PCDHGB4: variants seen among roughly 807,000 people sequenced by gnomAD.
PCDHGB4 encodes protocadherin gamma subfamily B, 4.
A neutral mutation model predicts 60.5 loss-of-function variants in PCDHGB4; 38 were observed. That is an observed-to-expected ratio of 0.63 (90% CI 0.48 to 0.82). PCDHGB4 has a LOEUF of 0.82. Ranked by LOEUF, PCDHGB4 falls within the 40% of genes least tolerant of loss-of-function variation. The pLI, the probability that PCDHGB4 is intolerant of heterozygous loss-of-function variation, is 0.00. For synonymous variants in PCDHGB4, 456 were observed against 509.7 expected (o/e 0.89, Z 1.42); for missense variants, 1,109 against 1,209.6 (o/e 0.92, Z 1.23).
chr5:141,403,343 C>T (rs774711306), intron 1 of PCDHGB4: 10 of 1,614,000 alleles, frequency 6.2e-6, no homozygotes, highest in Admixed American at 1.7e-5. Context: ...CGACAGCGCC[C>T]CAAAGTTCCA....
intron 1 of PCDHGB4, chr5:141,399,347 A>G: frequency 6.2e-7 from 1 of 1,613,926 alleles, no homozygotes. Flanking sequence ...GGAACCCTAG[A>G]CCGAGAGCAA....
At chr5:141,399,627 C>A (rs751717107) in intron 1 of PCDHGB4, 19 of 1,613,788 alleles carry the variant, frequency 1.2e-5, no homozygotes, top group Non-Finnish European at 1.6e-5. Flanking sequence ...TGGCCTCTTA[C>A]GTGTCCATGA....
At chr5:141,393,534 G>GA in intron 1 of PCDHGB4, 1 of 1,613,928 alleles carries the variant, frequency 6.2e-7, no homozygotes, top group Non-Finnish European at 8.5e-7. Flanking sequence ...CAATGCCCCG[G>GA]TTTTTCCTCA....
chr5:141,491,500 G>A lies in PCDHGB4; in HGVS notation c.2398-3307G>A. ...CAGCCCCAACCTGCAGGTGAGCTCG[G>A]ACGGCACGCTCAAGTACATGGAGGT... On this transcript the variant is annotated intron_variant, in intron 1 of 3. Transcript: ENST00000519479. The surrounding 1 kb of genome is among the most constrained non-coding windows in gnomAD (Gnocchi z 6.9). 3 of 1,614,102 alleles carry A rather than the reference G, an allele frequency of 1.9e-6. No homozygotes were observed. The highest frequency in any genetic ancestry group is 2.7e-5 in the African/African-American group (2 of 75,066).
rs755254491 is a variant in PCDHGB4, at chr5:141,409,746, T to TCG, written c.2397+19469_2397+19470dup. On this transcript the variant is annotated intron_variant, in intron 1 of 3. Transcript: ENST00000519479. ...GTGAGCGCGCAGAGCGGGGTGGTGT[T>TCG]CGCGCAGCGCGCCTTTGATCACGAG... The TCG allele has an allele frequency of 3.1e-6, 5 of 1,613,024 alleles. No homozygotes were observed. The South Asian group carries it at 5.5e-5, about 18-fold the overall frequency.
At chr5:141,405,498 C>T in intron 1 of PCDHGB4, 2 of 784,948 alleles carry the variant, frequency 2.5e-6, no homozygotes, top group Admixed American at 2.7e-5. Flanking sequence ...CGGCTCATTG[C>T]AACCTCCGCC....
chr5:141,440,527 T>G (rs1282939317), intron 1 of PCDHGB4: 3 of 152,222 alleles, frequency 2.0e-5, no homozygotes, highest in African/African-American at 7.2e-5. Context: ...TGAAGAATCA[T>G]GCACCACGGT....
Position 141,415,114 on chromosome 5 carries a change from G to A in PCDHGB4, c.2397+24833G>A, listed in dbSNP as rs186848544. On this transcript the variant is annotated intron_variant, in intron 1 of 3. Transcript: ENST00000519479. Reference sequence around the variant, plus strand: ...CAGAGACGCGCTCAAGCAAAGCCTCGTAGTGGCCGTCCAGGACCACGGCCA... The same window carrying A: ...CAGAGACGCGCTCAAGCAAAGCCTCATAGTGGCCGTCCAGGACCACGGCCA... 1.7e-5 allele frequency: 28 copies of A among 1,613,646 alleles called. No homozygotes were observed. In the African/African-American group the frequency reaches 2.7e-4, roughly 15 times the overall value.
intron 1 of PCDHGB4, chr5:141,395,116 T>C (rs1255512461): frequency 1.9e-6 from 3 of 1,614,216 alleles, no homozygotes; most frequent in Admixed American, 3.3e-5. Context: ...AAGAGTCACC[T>C]GATCTTTCCC....
rs114492681 is a variant in PCDHGB4, at chr5:141,408,401, C to A, written c.2397+18120C>A. 1.5e-3 allele frequency: 2,364 copies of A among 1,614,010 alleles called. 32 individuals are homozygous for A. The African/African-American group carries it at 0.028, about 19-fold the overall frequency. On this transcript the variant is annotated intron_variant, in intron 1 of 3. Coordinates refer to ENST00000519479, the MANE Select transcript of PCDHGB4 (RefSeq NM_003736.4). ...CCTGGATGTGTCGGCTCGCAAGCTG[C>A]GAGTGAGCGCGGAGAAGCTGCACTT...
rs752088903 is a variant in PCDHGB4, at chr5:141,490,784, G to A, written c.2398-4023G>A. The A allele has an allele frequency of 1.7e-5, 27 of 1,613,906 alleles. No individual in the cohort carries two copies. The highest frequency in any genetic ancestry group is 1.2e-4 in the African/African-American group (9 of 74,922). The stretch of plus-strand genomic sequence containing the variant: ...GTGTATGTCAACCCAGAGGATGGAC[G>A]GATCTTTGCCCAGCGTACCTTTGAC... On this transcript the variant is annotated intron_variant, in intron 1 of 3. Transcript: ENST00000519479. This position sits in a 1 kb window ranked among gnomAD's most constrained non-coding sequence, Gnocchi z 5.4.
Position 141,485,597 on chromosome 5 carries a change from A to G in PCDHGB4, c.2398-9210A>G. On this transcript the variant is annotated intron_variant, in intron 1 of 3. Coordinates refer to ENST00000519479, the MANE Select transcript of PCDHGB4 (RefSeq NM_003736.4). This position sits in a 1 kb window ranked among gnomAD's most constrained non-coding sequence, Gnocchi z 5.7. ...TCCGCGGCAGCAGCTGGACTTGGAA[A>G]TTGGGGAGGCAGCTCCTCCAGGACA... The G allele has an allele frequency of 6.2e-7, 1 of 1,612,468 alleles. No homozygotes were observed. The highest frequency in any genetic ancestry group is 8.5e-7 in the Non-Finnish European group (1 of 1,178,718).
At position 141,489,985 on chromosome 5, in the gene PCDHGB4, G is replaced by A. The variant is rs761481986; in HGVS notation, c.2398-4822G>A. ...AACCTTCCAATCCTCAGTTCTACGT[G>A]TGGGAATCCCAGAGAATGCACCCAT... On this transcript the variant is annotated intron_variant, in intron 1 of 3. Transcript: ENST00000519479. The surrounding 1 kb of genome is among the most constrained non-coding windows in gnomAD (Gnocchi z 4.5). The A allele has an allele frequency of 1.2e-6, 2 of 1,614,094 alleles. No homozygotes were observed. Among genetic ancestry groups the A allele is most frequent in the African/African-American group, 2.7e-5 (2 of 74,946 alleles).
rs1304554303 is a variant in PCDHGB4, at chr5:141,403,611, C to G, written c.2397+13330C>G. 3 of 1,613,860 alleles carry G rather than the reference C, an allele frequency of 1.9e-6. No homozygotes were observed. The highest frequency in any genetic ancestry group is 2.5e-6 in the Non-Finnish European group (3 of 1,179,892). Reference sequence around the variant, plus strand: ...CTCACGGCCTCGGATGGCGGCGAGCCGCGTCGCTCCAGCACAGTGCGCATC... The same window carrying G: ...CTCACGGCCTCGGATGGCGGCGAGCGGCGTCGCTCCAGCACAGTGCGCATC... On this transcript the variant is annotated intron_variant, in intron 1 of 3. Transcript: ENST00000519479.
rs776189143 is a variant in PCDHGB4, at chr5:141,422,957, A to G, written c.2397+32676A>G. 11 of 1,614,190 alleles carry G rather than the reference A, an allele frequency of 6.8e-6. 1 individual carries two copies. The South Asian group carries it at 7.7e-5, about 11-fold the overall frequency. Reference sequence around the variant, plus strand: ...CCCACAGACGGCTCCACTGGCGTGGAGCTGGCGCCCCGCTCTGCGGAACCT... The same window carrying G: ...CCCACAGACGGCTCCACTGGCGTGGGGCTGGCGCCCCGCTCTGCGGAACCT... On this transcript the variant is annotated intron_variant, in intron 1 of 3. Coordinates refer to ENST00000519479, the MANE Select transcript of PCDHGB4 (RefSeq NM_003736.4).
In PCDHGB4 at chr5:141,389,514, G is replaced by C. The variant is rs1030106901; in HGVS notation, c.1630G>C (p.Val544Leu). 2 of 1,613,132 alleles carry C rather than the reference G, an allele frequency of 1.2e-6. No individual in the cohort carries two copies. Among genetic ancestry groups the C allele is most frequent in the Non-Finnish European group, 1.7e-6 (2 of 1,179,758 alleles). The change falls in exon 1 of 4, where the codon GTG (valine) becomes CTG (leucine). Residue 544 changes from valine to leucine, a missense_variant. Transcript: ENST00000519479. ...GGGCTCGCCAGCGCTCAGCGCGAAC[G>C]TGAGCCTGCGCGTGTTAGTGGACGA... ...DQGSPALSAN[V>L]SLRVLVDDRN...
chr5:141,422,158 G>GA (rs1401712595), intron 1 of PCDHGB4: 2 of 1,571,916 alleles, frequency 1.3e-6, no homozygotes, highest in Middle Eastern at 1.7e-4. Flanking sequence ...TCTGGATTTT[G>GA]AAAAATATAG....
At chr5:141,452,251 ACT>A (rs899414988) in intron 1 of PCDHGB4, among the ~76,000 whole-genome samples, 29 of 152,204 alleles carry the variant, frequency 1.9e-4, no homozygotes, top group African/African-American at 6.7e-4. Flanking sequence ...TTTTGCCATA[ACT>A]CTCTCATTTT....
At chr5:141,426,720 A>T (rs1448232477) in intron 1 of PCDHGB4, 4 of 447,600 alleles carry the variant, frequency 8.9e-6, no homozygotes, top group Non-Finnish European at 1.8e-5. Flanking sequence ...TGAACTAGCA[A>T]TTCCAGGCAT....
Sources: allele counts gnomAD v4.1 joint callset (sites outside exome capture counted in the v4.1 genomes callset), GRCh38; gene constraint gnomAD v4.1.1; non-coding constraint Gnocchi (gnomAD v3.1); transcripts MANE v1.5; gene names NCBI Gene and HGNC (gene_info 2026-07-23, HGNC 2026-07-21).